MCPH1: variants seen among roughly 807,000 people sequenced by gnomAD.
The protein encoded by MCPH1 is microcephalin.
MCPH1 carries 104 observed loss-of-function variants against 84.5 expected under a neutral mutation model. That is an observed-to-expected ratio of 1.23 (90% CI 1.05 to 1.45). The LOEUF (loss-of-function observed/expected upper bound fraction) is 1.45. Among genes scored for constraint, MCPH1 ranks in the 40% most tolerant of loss-of-function variants. The probability of loss-of-function intolerance (pLI) is 0.00; values close to 1 mark genes in which losing one functional copy is unlikely to be tolerated. For missense variants in MCPH1, 1,498 were observed against 1,005.7 expected (o/e 1.49, Z -6.62); for synonymous variants, 514 against 366.8 (o/e 1.40, Z -4.58).
chr8:6,524,868 A>T (rs1818038391), intron 12 of MCPH1, among the ~76,000 whole-genome samples: 1 of 152,228 alleles, frequency 6.6e-6, no homozygotes, highest in South Asian at 2.1e-4. Flanking sequence ...CTTTGGTGTC[A>T]CGAGCACCTT....
At chr8:6,602,668 G>A (rs190478314) in intron 12 of MCPH1, among the ~76,000 whole-genome samples, 1 of 152,094 alleles carries the variant, frequency 6.6e-6, no homozygotes, top group East Asian at 1.9e-4. Flanking sequence ...TGGGTTTGTT[G>A]CTTTCCTTGT....
chr8:6,513,069 A>G (rs1394686862), intron 12 of MCPH1, among the ~76,000 whole-genome samples: 1 of 152,242 alleles, frequency 6.6e-6, no homozygotes, highest in Non-Finnish European at 1.5e-5. Flanking sequence ...GGGAACACTT[A>G]CTATTCACTG....
chr8:6,646,057 A>G lies in MCPH1; in HGVS notation c.*3008A>G, dbSNP rs1480904049. ...AAATGCAAAGAACCTCTAGTAGACA[A>G]AACAATTTTTTTAAGAGCAAAGTTG... On this transcript the variant is annotated 3_prime_UTR_variant, in exon 14 of 14. Transcript: ENST00000344683. The G allele has an allele frequency of 6.6e-6, 1 of 152,232 alleles. No individual in the cohort carries two copies. Among genetic ancestry groups the G allele is most frequent in the Non-Finnish European group, 1.5e-5 (1 of 68,046 alleles). The allele number at this position is 152,232 out of a possible 1,614,324, so 9.4% of individuals were successfully genotyped here.
chr8:6,538,366 C>A (rs956308243), intron 12 of MCPH1, among the ~76,000 whole-genome samples: 27 of 152,248 alleles, frequency 1.8e-4, no homozygotes, highest in Admixed American at 2.6e-4. Flanking sequence ...CACGCATCCC[C>A]CAGCTGCTCT....
chr8:6,442,485 G>T (rs866364721), intron 7 of MCPH1, among the ~76,000 whole-genome samples: 2 of 152,292 alleles, frequency 1.3e-5, no homozygotes, highest in South Asian at 4.2e-4. Context: ...AGGAAATGTT[G>T]TTTCACACAA....
intron 9 of MCPH1, among the ~76,000 whole-genome samples, chr8:6,468,639 T>G (rs550662728): frequency 7.2e-6 from 1 of 138,054 alleles, no homozygotes; most frequent in Non-Finnish European, 1.5e-5. Context: ...GGATGTACAT[T>G]TTTTTGGTTT....
At chr8:6,528,282 C>T (rs950954693) in intron 12 of MCPH1, among the ~76,000 whole-genome samples, 2 of 152,190 alleles carry the variant, frequency 1.3e-5, no homozygotes, top group African/African-American at 4.8e-5. Context: ...TCTAGTCTGC[C>T]ATATTTTATT....
chr8:6,568,246 G>A (rs753435583), intron 12 of MCPH1, among the ~76,000 whole-genome samples: 6 of 117,294 alleles, frequency 5.1e-5, no homozygotes, highest in Admixed American at 3.9e-4. Context: ...TGGACCCATC[G>A]CTAGCTGAAT....
At chr8:6,574,830 A>C (rs755592948) in intron 12 of MCPH1, among the ~76,000 whole-genome samples, 2 of 152,194 alleles carry the variant, frequency 1.3e-5, no homozygotes, top group Non-Finnish European at 2.9e-5. Flanking sequence ...AAATTCCAGA[A>C]GAAGGGAGAG....
At chr8:6,513,335 CTTT>C (rs1189719867) in intron 12 of MCPH1, among the ~76,000 whole-genome samples, 1 of 143,222 alleles carries the variant, frequency 7.0e-6, no homozygotes. Context: ...TTTTCTTTTT[CTTT>C]TTTTTTTTTT....
chr8:6,432,477 G>C (rs560491329), intron 4 of MCPH1, among the ~76,000 whole-genome samples: 3 of 152,290 alleles, frequency 2.0e-5, no homozygotes, highest in African/African-American at 7.2e-5. Flanking sequence ...GCTTTCATTT[G>C]AGATAGAATT....
At chr8:6,436,292 A>G (rs1466791983) in intron 5 of MCPH1, 130 bp downstream of exon 5, 13 of 1,042,918 alleles carry the variant, frequency 1.2e-5, no homozygotes, top group South Asian at 6.5e-5. Flanking sequence ...TATGAAGGAG[A>G]AAACAAAATG....
At chr8:6,583,008 G>A (rs566309735) in intron 12 of MCPH1, among the ~76,000 whole-genome samples, 10 of 152,212 alleles carry the variant, frequency 6.6e-5, no homozygotes, top group African/African-American at 1.4e-4. Flanking sequence ...CATAGTCGGC[G>A]GTGAGGTATT....
intron 12 of MCPH1, among the ~76,000 whole-genome samples, chr8:6,601,751 CCACA>C (rs10531047): frequency 1.4e-5 from 2 of 144,414 alleles, no homozygotes; most frequent in Admixed American, 6.7e-5. Context: ...TATACCCACA[CCACA>C]CACACACACA....
At chr8:6,465,412 G>A (rs2129557870) in intron 9 of MCPH1, among the ~76,000 whole-genome samples, 1 of 152,234 alleles carries the variant, frequency 6.6e-6, no homozygotes, top group South Asian at 2.1e-4. Flanking sequence ...TGTCCACCCC[G>A]TCCTCGGACG....
chr8:6,590,962 C>T (rs767938461), intron 12 of MCPH1, among the ~76,000 whole-genome samples: 6 of 152,206 alleles, frequency 3.9e-5, no homozygotes, highest in Non-Finnish European at 7.3e-5. Context: ...AGTCCAATGG[C>T]GCAATCTCGG....
rs973217347 is a variant in MCPH1 at position 6,506,113 on chromosome 8, G to T, written c.2214+6184G>T. 6.0e-5 allele frequency among the ~76,000 whole-genome samples: 9 copies of T among 150,896 alleles called. 3 individuals are homozygous for T. The highest frequency in any genetic ancestry group is 2.0e-4 in the African/African-American group (8 of 40,996). ...CAGGTTCCTACATTGTTTCTTGGTG[G>T]TAACAGCTCAGTGACTTCATTTGAT... On this transcript the variant is annotated intron_variant, in intron 12 of 13. Coordinates refer to ENST00000344683, the MANE Select transcript of MCPH1 (RefSeq NM_024596.5).
intron 12 of MCPH1, among the ~76,000 whole-genome samples, chr8:6,510,458 C>G (rs2129566490): frequency 6.6e-6 from 1 of 152,296 alleles, no homozygotes; most frequent in East Asian, 1.9e-4. Context: ...TAATTTCTAA[C>G]AGTTTGTATT....
chr8:6,542,051 T>C (rs78681283), intron 12 of MCPH1, among the ~76,000 whole-genome samples: 1 of 150,152 alleles, frequency 6.7e-6, no homozygotes, highest in East Asian at 2.0e-4. Flanking sequence ...TGATTACAAA[T>C]AGAAGCAGTT....
Sources: gnomAD v4.1 joint callset for allele counts (sites outside exome capture counted in the v4.1 genomes callset) on GRCh38, gnomAD v4.1.1 for gene constraint, MANE v1.5 for transcripts, NCBI Gene and HGNC (gene_info 2026-07-23, HGNC 2026-07-21) for gene names.